Variants in MYO18A observed in about 807,000 individuals in gnomAD.
MYO18A encodes unconventional myosin-XVIIIa.
In MYO18A, 78 loss-of-function variants were observed where a neutral mutation model predicts 235.8. That is an observed-to-expected ratio of 0.33 (90% confidence interval 0.28 to 0.40). The LOEUF (loss-of-function observed/expected upper bound fraction) is 0.40. MYO18A is among the 10% of genes least tolerant of loss of function. MYO18A has a pLI of 1.00. For missense variants in MYO18A, 2,215 were observed against 2,699.3 expected, an observed-to-expected ratio of 0.82 and a Z score of 3.98; for synonymous variants, 977 against 1,077.8, an observed-to-expected ratio of 0.91 and a Z score of 1.83.
intron 41 of MYO18A, chr17:29,075,426 C>G (rs2065951446): frequency 6.0e-6 from 1 of 167,792 alleles, no homozygotes; most frequent in Non-Finnish European, 1.5e-5. Context: ...GATCTGAACC[C>G]TTTCCCCTAA....
At chr17:29,162,347 G>C (rs2068191620) in intron 2 of MYO18A, among the ~76,000 whole-genome samples, 1 of 152,162 alleles carries the variant, frequency 6.6e-6, no homozygotes, top group Non-Finnish European at 1.5e-5. Context: ...GGCTCCCGTG[G>C]ATGCCTCCTA....
rs143694963 is a variant in MYO18A at position 29,173,077 on chromosome 17, T to A, written c.-81-6056A>T. ...ACAAATTGGTAGGTTGGTGCAAAAG[T>A]AATTATGGTTTTTGCCGTTACTTTT... On this transcript the variant is annotated intron_variant, in intron 1 of 41. Coordinates refer to ENST00000527372, the MANE Select transcript of MYO18A (RefSeq NM_078471.4). Among the ~76,000 whole-genome samples the A allele has an allele frequency of 1.8e-3, 274 of 150,102 alleles. 1 individual carries two copies. Among genetic ancestry groups the A allele is most frequent in the African/African-American group, 6.5e-3 (263 of 40,548 alleles).
chr17:29,098,189 A>G lies in MYO18A; in HGVS notation c.3906T>C (p.Arg1302=), dbSNP rs1415716970. 7 of 1,613,810 alleles carry G rather than the reference A, an allele frequency of 4.3e-6. No homozygotes were observed. The highest frequency in any genetic ancestry group is 5.9e-6 in the Non-Finnish European group (7 of 1,179,882). The part of the protein sequence containing the change: ...SELTSELTDE[R]NTGESASQLL... Reference sequence around the variant, plus strand: ...GCTGGGAGGCGGACTCTCCTGTGTTACGCTCATCTGTCAGCTCCGATGTCA... The same window carrying G: ...GCTGGGAGGCGGACTCTCCTGTGTTGCGCTCATCTGTCAGCTCCGATGTCA... The change falls in exon 25 of 42, where the codon CGT becomes CGC. Residue 1302 remains arginine (R), a synonymous_variant. Transcript: ENST00000527372.
At chr17:29,179,464 C>A (rs1362070853) in intron 1 of MYO18A, among the ~76,000 whole-genome samples, 7 of 152,158 alleles carry the variant, frequency 4.6e-5, no homozygotes, top group South Asian at 2.1e-4. Context: ...AGCGCACCCC[C>A]ACTAACAAGG....
At chr17:29,122,483 T>C (rs562905914) in intron 2 of MYO18A, among the ~76,000 whole-genome samples, 26 of 152,194 alleles carry the variant, frequency 1.7e-4, no homozygotes, top group Non-Finnish European at 3.8e-4. Flanking sequence ...ACACAAAGGC[T>C]AGAGACCGTA....
chr17:29,173,158 G>A (rs2068444041), intron 1 of MYO18A, among the ~76,000 whole-genome samples: 1 of 150,760 alleles, frequency 6.6e-6, no homozygotes, highest in Admixed American at 6.6e-5. Flanking sequence ...GCAATGGCCC[G>A]ATTTCAGCTC....
intron 2 of MYO18A, among the ~76,000 whole-genome samples, chr17:29,127,262 A>AT (rs911620190): frequency 2.0e-5 from 3 of 152,096 alleles, no homozygotes; most frequent in African/African-American, 7.2e-5. Context: ...ATATTCATAG[A>AT]TTTTGCTTTG....
Position 29,121,822 on chromosome 17 carries a change from C to T in MYO18A, c.1194+29G>A. On this transcript the variant is annotated intron_variant, in intron 4 of 41. Coordinates refer to ENST00000527372, the MANE Select transcript of MYO18A (RefSeq NM_078471.4). This position sits in a 1 kb window ranked among gnomAD's most constrained non-coding sequence, Gnocchi z 4.2. ...TGCCCAGTGCACTCCTGAGCCTCCTCCCCCACACCCAGCCCCCTGCCCACC... is the reference window on the plus strand; with the variant it reads ...TGCCCAGTGCACTCCTGAGCCTCCTTCCCCACACCCAGCCCCCTGCCCACC... 4 of 1,601,712 alleles carry T rather than the reference C, an allele frequency of 2.5e-6. No homozygotes were observed. Among genetic ancestry groups the T allele is most frequent in the Non-Finnish European group, 3.4e-6 (4 of 1,169,016 alleles).
intron 41 of MYO18A, among the ~76,000 whole-genome samples, chr17:29,081,538 G>A (rs2066123223): frequency 6.6e-6 from 1 of 151,972 alleles, no homozygotes; most frequent in South Asian, 2.1e-4. Flanking sequence ...TGCTGTCTCT[G>A]GGAGAGGATG....
At chr17:29,107,502 A>G (rs970975458) in intron 19 of MYO18A, 1 of 293,432 alleles carries the variant, frequency 3.4e-6, no homozygotes, top group Non-Finnish European at 6.6e-6. Flanking sequence ...GGGGTAGCTG[A>G]CCAGCTGGGA....
intron 41 of MYO18A, chr17:29,079,996 T>C: frequency 1.0e-6 from 1 of 986,092 alleles, no homozygotes; most frequent in Non-Finnish European, 1.2e-6. Context: ...CTTCCGCCTC[T>C]TGTGCTCTGA....
rs149646067 is a variant in MYO18A at position 29,140,777 on chromosome 17, C to T, written c.1000-18524G>A. Among the ~76,000 whole-genome samples the T allele has an allele frequency of 6.6e-6, 1 of 151,998 alleles. No homozygotes were observed. The highest frequency in any genetic ancestry group is 2.4e-5 in the African/African-American group (1 of 41,268). ...AGGCCAAGCTTGAGACAAGCACATG[C>T]GCACTCATGTGCATGTACACGTATA... On this transcript the variant is annotated intron_variant, in intron 2 of 41. Transcript: ENST00000527372. This position sits in a 1 kb window ranked among gnomAD's most constrained non-coding sequence, Gnocchi z 4.2.
intron 20 of MYO18A, among the ~76,000 whole-genome samples, chr17:29,104,669 AG>A (rs1041350752): frequency 6.6e-6 from 1 of 152,150 alleles, no homozygotes; most frequent in African/African-American, 2.4e-5. Context: ...GAGGATGGCC[AG>A]GAAGAGGGTG....
At chr17:29,085,826 G>A (rs2066240256) in intron 39 of MYO18A, among the ~76,000 whole-genome samples, 178 bp from the exon 40 acceptor site, 1 of 152,198 alleles carries the variant, frequency 6.6e-6, no homozygotes, top group East Asian at 1.9e-4. Flanking sequence ...TCTGATGCGG[G>A]CTGCCCCTGG....
chr17:29,103,193 A>G (rs1362776131), intron 21 of MYO18A, among the ~76,000 whole-genome samples: 4 of 152,148 alleles, frequency 2.6e-5, no homozygotes, highest in Admixed American at 2.6e-4. Context: ...AGCCCCAGAT[A>G]ACTCTCCACA....
In MYO18A at chr17:29,097,214, C is replaced by T. The variant is rs760448409; in HGVS notation, c.4230+9G>A. 4.4e-6 allele frequency: 7 copies of T among 1,604,908 alleles called. No homozygotes were observed. In the African/African-American group the frequency reaches 8.0e-5, roughly 18 times the overall value. On this transcript the variant is annotated intron_variant, in intron 27 of 41. Transcript: ENST00000527372. ...CCAGGCACAGGCCTCAGCTCCTCCCCAGCCTCACCCGCCGTTCCAGCTGCC... is the reference window on the plus strand; with the variant it reads ...CCAGGCACAGGCCTCAGCTCCTCCCTAGCCTCACCCGCCGTTCCAGCTGCC...
At chr17:29,123,778 G>C (rs2067255613) in intron 2 of MYO18A, among the ~76,000 whole-genome samples, 1 of 152,270 alleles carries the variant, frequency 6.6e-6, no homozygotes, top group African/African-American at 2.4e-5. Context: ...GCCAGGTGCA[G>C]TGGCTCACAC....
intron 40 of MYO18A, among the ~76,000 whole-genome samples, chr17:29,084,109 C>T (rs2066190297): frequency 6.6e-6 from 1 of 152,184 alleles, no homozygotes; most frequent in South Asian, 2.1e-4. Flanking sequence ...AGGAGCCACA[C>T]CACCTCTCTG....
chr17:29,114,276 A>C (rs2067004385), intron 14 of MYO18A, 179 bp from the exon 15 acceptor site: 1 of 582,142 alleles, frequency 1.7e-6, no homozygotes, highest in Non-Finnish European at 3.1e-6. Flanking sequence ...TATTTTTTGC[A>C]CAGCTAAAAT....
Sources: allele counts gnomAD v4.1 joint callset (sites outside exome capture counted in the v4.1 genomes callset), GRCh38; gene constraint gnomAD v4.1.1; non-coding constraint Gnocchi (gnomAD v3.1); transcripts MANE v1.5; gene names NCBI Gene and HGNC (gene_info 2026-07-23, HGNC 2026-07-21).